The following GPRIN2 variants were observed in gnomAD, a reference collection of about 807,000 sequenced individuals.
GPRIN2 encodes the protein G protein regulated inducer of neurite outgrowth 2.
Under a neutral mutation model 0.3 loss-of-function variants are expected in GPRIN2, and 1 was observed. The ratio of observed to expected loss-of-function variants is 3.90; its 90% CI spans 1.39 to 18.51. The LOEUF (loss-of-function observed/expected upper bound fraction) is 18.51, where lower values mean the gene tolerates loss of function less well. Ranked by LOEUF, GPRIN2 falls within the 30% of genes most tolerant of loss-of-function variation. The pLI is 0.11. For synonymous variants in GPRIN2, 361 were observed against 258.6 expected (o/e 1.40, Z -3.80); for missense variants, 880 against 604.2 (o/e 1.46, Z -4.79).
chr10:46,549,068 T>C lies in GPRIN2; in HGVS notation c.*292A>G, dbSNP rs1005223465. 15 of 412,742 alleles carry C rather than the reference T, an allele frequency of 3.6e-5. No individual in the cohort carries two copies. Among genetic ancestry groups the C allele is most frequent in the Non-Finnish European group, 6.1e-5 (14 of 227,856 alleles). The allele number at this position is 412,742 out of a possible 1,614,324, so 25.6% of individuals were successfully genotyped here. On this transcript the variant is annotated 3_prime_UTR_variant, in exon 3 of 3. Coordinates refer to ENST00000374314, the MANE Select transcript of GPRIN2 (RefSeq NM_001385282.1). ...GTGGAGTGAACAAAAGGTCATTTTT[T>C]ACAGAAAACTCAGGATCTCCCCTCT...
At position 46,550,047 on chromosome 10, in the gene GPRIN2, G is replaced by C; in HGVS notation, c.690C>G (p.Pro230=). The C allele has an allele frequency of 6.2e-7, 1 of 1,613,470 alleles. No homozygotes were observed. Among genetic ancestry groups the C allele is most frequent in the Non-Finnish European group, 8.5e-7 (1 of 1,179,608 alleles). Residue 230 remains proline, a synonymous_variant, in exon 3 of 3, where the codon CCC becomes CCG. Transcript: ENST00000374314. ...QLATTTCHAL[P]PAALLCGMRE... is the part of the protein sequence containing the mutation. ...TCATGCCACAGAGTAGAGCAGCTGG[G>C]GGCAGAGCATGGCAGGTGGTGGTAG...
At position 46,548,348 on chromosome 10, in the gene GPRIN2, G is replaced by A. The variant is rs1842358103; in HGVS notation, c.*1012C>T. 6.6e-6 allele frequency among the ~76,000 whole-genome samples: 1 copy of A among 152,300 alleles called. No homozygotes were observed. The highest frequency in any genetic ancestry group is 1.5e-5 in the Non-Finnish European group (1 of 68,056). On this transcript the variant is annotated 3_prime_UTR_variant, in exon 3 of 3. Transcript: ENST00000374314. ...CACAGCCTCACAGCCCCTACCCCAG[G>A]GCCAGGGCAAACTCCTGCCCTGTCC...
In GPRIN2 at chr10:46,542,213, C is replaced by T. The variant is rs1235338286; in HGVS notation, c.*7147G>A. Among the ~76,000 whole-genome samples, 2 of 152,308 alleles carry T rather than the reference C, an allele frequency of 1.3e-5. No individual in the cohort carries two copies. The highest frequency in any genetic ancestry group is 2.9e-5 in the Non-Finnish European group (2 of 68,058). On this transcript the variant is annotated 3_prime_UTR_variant, in exon 3 of 3. Coordinates refer to ENST00000374314, the MANE Select transcript of GPRIN2 (RefSeq NM_001385282.1). ...AGGTGGGCAGCAACAGGGAACAAAT[C>T]TGAGTGGAGGGGAGAATTCTACCCC...
rs181507259 is a variant in GPRIN2 at position 46,544,878 on chromosome 10, G to A, written c.*4482C>T. ...CCATGATGACCGTGTGGATTTGGAG[G>A]GACCTGGGAATCTCACAGACCTATG... On this transcript the variant is annotated 3_prime_UTR_variant, in exon 3 of 3. Coordinates refer to ENST00000374314, the MANE Select transcript of GPRIN2 (RefSeq NM_001385282.1). Among the ~76,000 whole-genome samples, 10 of 152,412 alleles carry A rather than the reference G, an allele frequency of 6.6e-5. No homozygotes were observed. The highest frequency in any genetic ancestry group is 3.9e-4 in the Admixed American group (6 of 15,300).
At chr10:46,551,119 A>T (rs1842553818) in intron 2 of GPRIN2, among the ~76,000 whole-genome samples, 1 of 152,294 alleles carries the variant, frequency 6.6e-6, no homozygotes, top group Admixed American at 6.5e-5. Flanking sequence ...CTGCAGCCCT[A>T]GGGGGTGGGG....
chr10:46,555,066 T>C (rs1036593193), intron 1 of GPRIN2, among the ~76,000 whole-genome samples: 29 of 152,392 alleles, frequency 1.9e-4, no homozygotes, highest in African/African-American at 5.3e-4. Flanking sequence ...CTTGTCTTAG[T>C]CTCCCGGCAG....
rs1832468541 is a variant in GPRIN2, at chr10:46,550,139, C to T, written c.598G>A (p.Asp200Asn). The change falls in exon 3 of 3, where the codon GAC becomes AAC. Residue 200 changes from aspartate (D) to asparagine (N), a missense_variant. Asp to Asn is a conservative substitution (Grantham distance 23). Transcript: ENST00000374314. ...GASQLSVPPL[D>N]LGDTTAHSSS... The stretch of plus-strand genomic sequence containing the variant: ...CTGTGGGCAGTTGTGTCCCCCAGGT[C>T]TAGTGGTGGCACTGACAACTGACTC... 2.5e-6 allele frequency: 4 copies of T among 1,604,402 alleles called. No individual in the cohort carries two copies. Among genetic ancestry groups the T allele is most frequent in the African/African-American group, 2.7e-5 (2 of 74,908 alleles).
rs1344440140 is a variant in GPRIN2 at position 46,545,191 on chromosome 10, C to T, written c.*4169G>A. On this transcript the variant is annotated 3_prime_UTR_variant, in exon 3 of 3. Coordinates refer to ENST00000374314, the MANE Select transcript of GPRIN2 (RefSeq NM_001385282.1). ...TGGATGCAAATGTCAATGGGTGCACCCCCAGATGCCTGTGACTCCCTCTGG... is the reference window on the plus strand; with the variant it reads ...TGGATGCAAATGTCAATGGGTGCACTCCCAGATGCCTGTGACTCCCTCTGG... 2.6e-5 allele frequency among the ~76,000 whole-genome samples: 4 copies of T among 152,312 alleles called. No homozygotes were observed. The highest frequency in any genetic ancestry group is 4.4e-5 in the Non-Finnish European group (3 of 68,058).
At position 46,550,030 on chromosome 10, in the gene GPRIN2, C is replaced by T. The variant is rs1832508242; in HGVS notation, c.707G>A (p.Cys236Tyr). Residue 236 changes from cysteine to tyrosine, a missense_variant, in exon 3 of 3, where the codon TGT (cysteine) becomes TAT (tyrosine). Physicochemically the swap from Cys to Tyr is radical, Grantham distance 194. Coordinates refer to ENST00000374314, the MANE Select transcript of GPRIN2 (RefSeq NM_001385282.1). ...ACCAGCCCTCACCTCCCTCATGCCA[C>T]AGAGTAGAGCAGCTGGGGGCAGAGC... ...CHALPPAALL[C>Y]GMREVRAGGC... 5.6e-6 allele frequency: 9 copies of T among 1,613,970 alleles called. No homozygotes were observed. The Admixed American group carries it at 1.3e-4, about 24-fold the overall frequency.
In GPRIN2 at chr10:46,550,473, G is replaced by A; in HGVS notation, c.264C>T (p.Gly88=). Residue 88 remains glycine, a synonymous_variant, in exon 3 of 3, where the codon GGC becomes GGT. Coordinates refer to ENST00000374314, the MANE Select transcript of GPRIN2 (RefSeq NM_001385282.1). The stretch of plus-strand genomic sequence containing the variant: ...TGCCCACAGTGCTGCTCCACCAGTG[G>A]CCTCCAGCACTGGGTCGCGCCTTGG... The part of the protein sequence containing the change: ...SGPKARPSAG[G]HWWSSTVGNV... 4 of 1,611,282 alleles carry A rather than the reference G, an allele frequency of 2.5e-6. No homozygotes were observed. Among genetic ancestry groups the A allele is most frequent in the Non-Finnish European group, 3.4e-6 (4 of 1,179,018 alleles).
rs1555021113 is a variant in GPRIN2, at chr10:46,550,738, G to C, written c.-2C>G. 4.6e-6 allele frequency: 7 copies of C among 1,506,720 alleles called. No homozygotes were observed. The highest frequency in any genetic ancestry group is 8.8e-7 in the Non-Finnish European group (1 of 1,130,064). 93.3% of individuals were successfully genotyped at this position (1,506,720 alleles called of 1,614,324 possible). On this transcript the variant is annotated 5_prime_UTR_variant, in exon 3 of 3. Transcript: ENST00000374314. The stretch of plus-strand genomic sequence containing the variant: ...CGGCTCGGGGCGGCTGGAGCTCATG[G>C]CTGCCTGCAGAAGAGAGAAAGGGAG...
rs1832292940 is a variant in GPRIN2 at position 46,550,642 on chromosome 10, C to T, written c.95G>A (p.Gly32Asp). ...GCGGAGCTCTGGCCTCTGTTCCCGGCCTTCACCCAGCAGGCTGGAAGAGCT... is the reference window on the plus strand; with the variant it reads ...GCGGAGCTCTGGCCTCTGTTCCCGGTCTTCACCCAGCAGGCTGGAAGAGCT... ...SQSSSSLLGE[G>D]REQRPELRKT... The change falls in exon 3 of 3, where the codon GGC (glycine) becomes GAC (aspartate). Residue 32 changes from glycine to aspartate, a missense_variant. Gly to Asp is a moderately conservative substitution (Grantham distance 94, BLOSUM62 -1). Transcript: ENST00000374314. The T allele has an allele frequency of 6.4e-7, 1 of 1,569,260 alleles. No homozygotes were observed. Among genetic ancestry groups the T allele is most frequent in the South Asian group, 1.2e-5 (1 of 82,772 alleles).
Position 46,544,905 on chromosome 10 carries a change from G to C in GPRIN2, c.*4455C>G, listed in dbSNP as rs1348228723. Among the ~76,000 whole-genome samples, 1 of 152,308 alleles carries C rather than the reference G, an allele frequency of 6.6e-6. No individual in the cohort carries two copies. Among genetic ancestry groups the C allele is most frequent in the Non-Finnish European group, 1.5e-5 (1 of 68,058 alleles). ...ACCTGGGAATCTCACAGACCTATGG[G>C]ATGTCCCAGTGATATGTCCTGGGCT... On this transcript the variant is annotated 3_prime_UTR_variant, in exon 3 of 3. Transcript: ENST00000374314.
intron 2 of GPRIN2, among the ~76,000 whole-genome samples, chr10:46,551,736 C>T (rs1458213790): frequency 1.3e-5 from 2 of 152,306 alleles, no homozygotes; most frequent in African/African-American, 4.8e-5. Context: ...AAAGACCACC[C>T]TGGACCTGGC....
intron 2 of GPRIN2, among the ~76,000 whole-genome samples, chr10:46,552,785 G>A (rs957606230): frequency 9.2e-5 from 14 of 152,302 alleles, no homozygotes; most frequent in African/African-American, 3.1e-4. Context: ...GTACAGGACT[G>A]TGCAGCTCTG....
chr10:46,550,169 C>A lies in GPRIN2; in HGVS notation c.568G>T (p.Gly190Trp), dbSNP rs1588964979. 1.3e-6 allele frequency: 2 copies of A among 1,599,154 alleles called. No individual in the cohort carries two copies. Among genetic ancestry groups the A allele is most frequent in the South Asian group, 2.2e-5 (2 of 89,438 alleles). Reference sequence around the variant, plus strand: ...GGTGGCACTGACAACTGACTCGCCCCCAGCATCCAGGCTGAGTTAGAAGTC... The same window carrying A: ...GGTGGCACTGACAACTGACTCGCCCACAGCATCCAGGCTGAGTTAGAAGTC... ...DETSNSAWML[G>W]ASQLSVPPLD... Residue 190 changes from glycine (G) to tryptophan (W), a missense_variant, in exon 3 of 3, where the codon GGG (glycine) becomes TGG (tryptophan). Coordinates refer to ENST00000374314, the MANE Select transcript of GPRIN2 (RefSeq NM_001385282.1).
Position 46,542,320 on chromosome 10 carries a change from C to T in GPRIN2, c.*7040G>A, listed in dbSNP as rs947230212. Among the ~76,000 whole-genome samples the T allele has an allele frequency of 6.6e-6, 1 of 152,310 alleles. No individual in the cohort carries two copies. Among genetic ancestry groups the T allele is most frequent in the African/African-American group, 2.4e-5 (1 of 41,486 alleles). ...AGGGTGATATGCTTTGGCTGTGTCC[C>T]CACCCAAAATCTCATCTTGAATTGT... On this transcript the variant is annotated 3_prime_UTR_variant, in exon 3 of 3. Coordinates refer to ENST00000374314, the MANE Select transcript of GPRIN2 (RefSeq NM_001385282.1).
Position 46,550,247 on chromosome 10 carries a change from G to T in GPRIN2, c.490C>A (p.Gln164Lys), listed in dbSNP as rs1832435416. Residue 164 changes from glutamine to lysine, a missense_variant, in exon 3 of 3, where the codon CAG becomes AAG. Gln to Lys is a moderately conservative substitution (Grantham distance 53). Coordinates refer to ENST00000374314, the MANE Select transcript of GPRIN2 (RefSeq NM_001385282.1). ...AQLQPGGTSG[Q>K]GGQAPAGLER... ...AGGCCTGCAGGGGCCTGGCCACCCT[G>T]GCCAGAAGTACCACCTGGCTGCAGC... is the stretch of plus-strand genomic sequence containing the variant. 6.2e-7 allele frequency: 1 copy of T among 1,609,660 alleles called. No individual in the cohort carries two copies. Among genetic ancestry groups the T allele is most frequent in the Non-Finnish European group, 8.5e-7 (1 of 1,177,570 alleles).
rs1832275300 is a variant in GPRIN2, at chr10:46,550,696, A to G, written c.41T>C (p.Leu14Pro). 1 of 1,505,458 alleles carries G rather than the reference A, an allele frequency of 6.6e-7. No homozygotes were observed. The highest frequency in any genetic ancestry group is 2.3e-5 in the East Asian group (1 of 42,722). The allele number at this position is 1,505,458 out of a possible 1,614,324, so 93.3% of individuals were successfully genotyped here. The part of the protein sequence containing the change: ...SRPEPGPWAP[L>P]SPRLQPLSQS... ...GGACAGGGGCTGAAGGCGGGGGCTC[A>G]GGGGTGCCCAGGGACCCGGCTCGGG... Residue 14 changes from leucine (L) to proline (P), a missense_variant, in exon 3 of 3, where the codon CTG (leucine) becomes CCG (proline). By Grantham distance (98) the Leu-to-Pro change is moderately conservative. Coordinates refer to ENST00000374314, the MANE Select transcript of GPRIN2 (RefSeq NM_001385282.1).
Sources: allele counts gnomAD v4.1 joint callset (sites outside exome capture counted in the v4.1 genomes callset), GRCh38; gene constraint gnomAD v4.1.1; transcripts MANE v1.5; gene names NCBI Gene and HGNC (gene_info 2026-07-23, HGNC 2026-07-21).